DROSHA: variants seen among roughly 807,000 people sequenced by gnomAD.
DROSHA encodes the protein drosha ribonuclease III.
DROSHA carries 56 observed loss-of-function variants against 181.9 expected under a neutral mutation model. The observed-to-expected ratio is 0.31, with a 90% confidence interval of 0.25 to 0.38. The LOEUF (loss-of-function observed/expected upper bound fraction) is 0.38. Among genes scored for constraint, DROSHA ranks in the 10% least tolerant of loss-of-function variants. The probability of loss-of-function intolerance (pLI) is 1.00; values close to 1 mark genes in which losing one functional copy is unlikely to be tolerated. For synonymous variants in DROSHA, 524 were observed against 591.2 expected, an observed-to-expected ratio of 0.89 and a Z score of 1.65; for missense variants, 1,218 against 1,743.5, an observed-to-expected ratio of 0.70 and a Z score of 5.37.
intron 11 of DROSHA, among the ~76,000 whole-genome samples, chr5:31,498,940 G>A (rs1753300120): frequency 6.6e-6 from 1 of 152,134 alleles, no homozygotes; most frequent in Non-Finnish European, 1.5e-5. Context: ...GCATCATTGG[G>A]TGCACCTGTG....
intron 5 of DROSHA, among the ~76,000 whole-genome samples, chr5:31,525,093 G>T (rs959029190): frequency 2.6e-5 from 4 of 152,060 alleles, no homozygotes; most frequent in Non-Finnish European, 5.9e-5. Context: ...CACTTTGGGA[G>T]GCCGAGGGGG....
chr5:31,490,884 T>C (rs932393364), intron 13 of DROSHA, among the ~76,000 whole-genome samples: 1 of 152,196 alleles, frequency 6.6e-6, no homozygotes, highest in Non-Finnish European at 1.5e-5. Flanking sequence ...TAGAATAAAG[T>C]TCTCACCGAG....
intron 4 of DROSHA, 38 bp downstream of exon 4, chr5:31,529,002 T>C (rs1376149997): frequency 6.2e-7 from 1 of 1,611,800 alleles, no homozygotes; most frequent in African/African-American, 1.3e-5. Context: ...CCTCTCTCGG[T>C]TCTCCCAAAC....
intron 20 of DROSHA, among the ~76,000 whole-genome samples, chr5:31,454,350 G>A (rs1336907666): frequency 1.3e-5 from 2 of 152,250 alleles, no homozygotes; most frequent in African/African-American, 4.8e-5. Context: ...GCCACATTTC[G>A]CAAGAGAGGG....
At chr5:31,467,822 G>C in intron 18 of DROSHA, 117 bp downstream of exon 18, 1 of 1,328,258 alleles carries the variant, frequency 7.5e-7, no homozygotes, top group Non-Finnish European at 1.0e-6. Flanking sequence ...TGGAAGTATG[G>C]CTCATTTCAG....
chr5:31,506,377 A>AAC, intron 10 of DROSHA, among the ~76,000 whole-genome samples: 1 of 148,724 alleles, frequency 6.7e-6, no homozygotes, highest in Middle Eastern at 3.6e-3. Context: ...AAAAAAAAAA[A>AAC]CTTATAACAC....
chr5:31,405,763 G>C, intron 34 of DROSHA, 40 bp from the exon 35 acceptor site: 268 of 424,376 alleles, frequency 6.3e-4, no homozygotes, highest in Non-Finnish European at 9.0e-4. Context: ...TTAATTTCAA[G>C]ATTCTTTTTT....
intron 33 of DROSHA, among the ~76,000 whole-genome samples, chr5:31,407,440 A>G (rs1357112887): frequency 6.6e-6 from 1 of 152,192 alleles, no homozygotes; most frequent in Non-Finnish European, 1.5e-5. Flanking sequence ...AATGTATTTA[A>G]TTTCTGAAAC....
chr5:31,420,964 C>G (rs1273462691), intron 30 of DROSHA, among the ~76,000 whole-genome samples: 1 of 152,132 alleles, frequency 6.6e-6, no homozygotes, highest in African/African-American at 2.4e-5. Flanking sequence ...TTTATTTAAG[C>G]TTTAATCTCC....
At chr5:31,511,474 G>A (rs896663649) in intron 8 of DROSHA, among the ~76,000 whole-genome samples, 3 of 152,128 alleles carry the variant, frequency 2.0e-5, no homozygotes, top group African/African-American at 4.8e-5. Flanking sequence ...GGGAGGCAGA[G>A]GCAGGAGGAT....
At chr5:31,459,928 A>G (rs1243213339) in intron 20 of DROSHA, among the ~76,000 whole-genome samples, 1 of 152,048 alleles carries the variant, frequency 6.6e-6, no homozygotes, top group African/African-American at 2.4e-5. Flanking sequence ...ATGTCTCCGC[A>G]TTTGGCATGA....
chr5:31,478,273 T>C (rs1387316274), intron 16 of DROSHA, among the ~76,000 whole-genome samples: 1 of 152,140 alleles, frequency 6.6e-6, no homozygotes, highest in East Asian at 1.9e-4. Flanking sequence ...ACACATAAAA[T>C]ACACTGACAC....
chr5:31,429,913 A>G lies in DROSHA; in HGVS notation c.3146-368T>C, dbSNP rs141687716. Among the ~76,000 whole-genome samples, 456 of 152,296 alleles carry G rather than the reference A, an allele frequency of 3.0e-3. 1 individual carries two copies. The highest frequency in any genetic ancestry group is 5.1e-3 in the Non-Finnish European group (349 of 68,020). ...TTTATGCATTTATAGTATACGTTTC[A>G]GATCAAATGTATATAGATACCTAAG... On this transcript the variant is annotated intron_variant, in intron 26 of 35. Coordinates refer to ENST00000344624, the MANE Select transcript of DROSHA (RefSeq NM_001382508.1).
At chr5:31,467,787 A>G (rs1236171724) in intron 18 of DROSHA, 152 bp downstream of exon 18, 1 of 982,454 alleles carries the variant, frequency 1.0e-6, no homozygotes, top group Admixed American at 2.9e-5. Flanking sequence ...AGCTACCACA[A>G]TTGTTTCATT....
intron 23 of DROSHA, among the ~76,000 whole-genome samples, chr5:31,444,137 G>A (rs1745980874): frequency 1.3e-5 from 2 of 152,208 alleles, no homozygotes; most frequent in Admixed American, 6.5e-5. Context: ...AAGGGACAGG[G>A]TATGTTTGAC....
At chr5:31,531,900 G>A (rs1741462241) in intron 1 of DROSHA, 90 bp downstream of exon 1, 1 of 156,970 alleles carries the variant, frequency 6.4e-6, no homozygotes, top group Non-Finnish European at 1.4e-5. Context: ...ATTCCCGGAC[G>A]CTTTTCACCC....
chr5:31,457,354 AC>A (rs1234327474), intron 20 of DROSHA, among the ~76,000 whole-genome samples: 1 of 151,888 alleles, frequency 6.6e-6, no homozygotes, highest in Non-Finnish European at 1.5e-5. Flanking sequence ...CGAACTACTG[AC>A]CTCAGGTGAT....
intron 25 of DROSHA, 88 bp downstream of exon 25, chr5:31,435,677 C>G (rs187001337): frequency 2.4e-5 from 28 of 1,171,780 alleles, no homozygotes; most frequent in East Asian, 4.7e-5. Flanking sequence ...TATATCCTAA[C>G]GAGTTACTTA....
chr5:31,464,150 A>G, intron 20 of DROSHA, 86 bp downstream of exon 20: 1 of 1,092,636 alleles, frequency 9.2e-7, no homozygotes. Flanking sequence ...TCTAAAGAAC[A>G]TTCTCAATTA....
Sources: allele counts gnomAD v4.1 joint callset (sites outside exome capture counted in the v4.1 genomes callset), GRCh38; gene constraint gnomAD v4.1.1; transcripts MANE v1.5; gene names NCBI Gene and HGNC (gene_info 2026-07-23, HGNC 2026-07-21).